USP9X: variants seen among roughly 807,000 people sequenced by gnomAD.
USP9X encodes the protein ubiquitin carboxyl-terminal hydrolase 9X.
In USP9X, 7 loss-of-function variants were observed where a neutral mutation model predicts 190.3. The observed-to-expected ratio is 0.04, with a 90% CI of 0.02 to 0.07. The LOEUF is 0.07. Among genes scored for constraint, USP9X ranks in the 10% least tolerant of loss-of-function variants. The pLI, the probability that USP9X is intolerant of heterozygous loss-of-function variation, is 1.00. For synonymous variants in USP9X, 645 were observed against 659.5 expected (o/e 0.98, Z 0.34); for missense variants, 1,010 against 1,916.9 (o/e 0.53, Z 8.83).
At position 41,223,429 on chromosome X, in the gene USP9X, A is replaced by G. The variant is rs770674723; in HGVS notation, c.6751+27A>G. On this transcript the variant is annotated intron_variant, in intron 39 of 44. Transcript: ENST00000378308. ...TAAATTTGAATGCTCCATTCTTTACACTAGTTTTGTTTGTTTGTTTGTTTT... is the reference window on the plus strand; with the variant it reads ...TAAATTTGAATGCTCCATTCTTTACGCTAGTTTTGTTTGTTTGTTTGTTTT... 11 of 1,194,182 alleles carry G rather than the reference A, an allele frequency of 9.2e-6. No individual in the cohort carries two copies. The South Asian group carries it at 1.6e-4, about 17-fold the overall frequency.
chrX:41,214,433 CCTG>C (rs748110008), intron 33 of USP9X, 132 bp from the exon 34 acceptor site: 1 of 579,266 alleles, frequency 1.7e-6, no homozygotes, highest in South Asian at 4.5e-5. Flanking sequence ...ATGTAACAAA[CCTG>C]CACGTTGTGG....
chrX:41,140,910 A>G, intron 7 of USP9X, 56 bp from the exon 8 acceptor site: 1 of 1,122,527 alleles, frequency 8.9e-7, no homozygotes, highest in Non-Finnish European at 1.2e-6. Context: ...ATTTAGTCCT[A>G]AATTGATTTT....
At chrX:41,215,723 A>AT (rs1396932662) in intron 34 of USP9X, among the ~76,000 whole-genome samples, 176 bp from the exon 35 acceptor site, 1 of 112,159 alleles carries the variant, frequency 8.9e-6, no homozygotes. Flanking sequence ...CATATTATTA[A>AT]TTTCAGCATT....
chrX:41,216,507 GATT>G lies in USP9X; in HGVS notation c.5946_5948del (p.Ile1982del). On this transcript the variant is annotated inframe_deletion, in exon 35 of 45. Coordinates refer to ENST00000378308, the MANE Select transcript of USP9X (RefSeq NM_001039591.3). Reference sequence around the variant, plus strand: ...TTGCTATCACCACCAGACCTCATCAGATTATTATGCCATCAGCCATTGAGAGAA... The same window carrying G: ...TTGCTATCACCACCAGACCTCATCAGATTATGCCATCAGCCATTGAGAGAA... 1 of 1,211,590 alleles carries G rather than the reference GATT, an allele frequency of 8.3e-7. No homozygotes were observed. The highest frequency in any genetic ancestry group is 1.1e-6 in the Non-Finnish European group (1 of 895,538).
intron 1 of USP9X, among the ~76,000 whole-genome samples, chrX:41,111,179 G>T (rs1021769117): frequency 8.9e-6 from 1 of 111,753 alleles, no homozygotes; most frequent in East Asian, 2.8e-4. Context: ...ATTGGGTCAC[G>T]AGAGTGGAAC....
At chrX:41,130,282 T>C (rs2062297430) in intron 3 of USP9X, among the ~76,000 whole-genome samples, 1 of 110,541 alleles carries the variant, frequency 9.0e-6, no homozygotes, top group South Asian at 3.8e-4. Flanking sequence ...TAATAAATTA[T>C]ATTTAATAGT....
intron 14 of USP9X, among the ~76,000 whole-genome samples, chrX:41,154,968 G>C (rs2062564117): frequency 9.0e-6 from 1 of 111,711 alleles, no homozygotes; most frequent in Admixed American, 9.5e-5. Flanking sequence ...AATCACTTCT[G>C]TGGTAACATC....
intron 14 of USP9X, among the ~76,000 whole-genome samples, chrX:41,156,059 C>T (rs1217828148): frequency 1.8e-5 from 2 of 112,209 alleles, no homozygotes; most frequent in Admixed American, 9.4e-5. Context: ...ATTTTCACGT[C>T]TGGAATGGCA....
intron 26 of USP9X, 64 bp downstream of exon 26, chrX:41,189,539 G>A: frequency 1.0e-6 from 1 of 981,538 alleles, no homozygotes; most frequent in South Asian, 2.6e-5. Flanking sequence ...AATTTAGGCT[G>A]GCAAAATGTG....
At chrX:41,205,609 T>C (rs2063084391) in intron 32 of USP9X, 116 bp downstream of exon 32, 1 of 710,541 alleles carries the variant, frequency 1.4e-6, no homozygotes, top group East Asian at 3.7e-5. Context: ...ACTGGTAATA[T>C]TCAAACTGTC....
intron 29 of USP9X, among the ~76,000 whole-genome samples, chrX:41,197,918 A>G (rs1361549858): frequency 9.0e-6 from 1 of 111,258 alleles, no homozygotes; most frequent in Non-Finnish European, 1.9e-5. Flanking sequence ...AGAGGCTGAG[A>G]TGGAAGGATC....
rs1555915008 is a variant in USP9X, at chrX:41,099,108, T to TG, written c.-159+12999_-159+13000insG. On this transcript the variant is annotated intron_variant, in intron 1 of 44. Coordinates refer to ENST00000378308, the MANE Select transcript of USP9X (RefSeq NM_001039591.3). Reference sequence around the variant, plus strand: ...TGCCCAGATAATTGTTTTTTTTTTTTTTTTTTTTTTTTTTAAACAGAGATG... The same window carrying TG: ...TGCCCAGATAATTGTTTTTTTTTTTTGTTTTTTTTTTTTTTAAACAGAGATG... Among the ~76,000 whole-genome samples the TG allele has an allele frequency of 3.3e-5, 3 of 89,599 alleles. No individual in the cohort carries two copies. In the South Asian group the frequency reaches 1.7e-3, roughly 50 times the overall value. 77.8% of individuals were successfully genotyped at this position (89,599 alleles called of 115,157 possible).
chrX:41,229,200 A>AT, intron 41 of USP9X, 53 bp from the exon 42 acceptor site: 1 of 1,006,154 alleles, frequency 9.9e-7, no homozygotes, highest in Non-Finnish European at 1.3e-6. Context: ...CACTCAGTAT[A>AT]TATTAGCTAT....
intron 21 of USP9X, among the ~76,000 whole-genome samples, chrX:41,176,171 G>C (rs979057177): frequency 1.8e-5 from 2 of 111,437 alleles, no homozygotes; most frequent in African/African-American, 6.5e-5. Context: ...AAGGACTCTT[G>C]TCTCTGAATG....
chrX:41,184,309 T>G, intron 22 of USP9X, 88 bp from the exon 23 acceptor site: 1 of 1,060,768 alleles, frequency 9.4e-7, no homozygotes, highest in Admixed American at 3.1e-5. Context: ...GTCAAGAGTT[T>G]CTTGGCACTG....
At chrX:41,196,495 A>G in intron 27 of USP9X, 97 bp from the exon 28 acceptor site, 3 of 1,091,871 alleles carry the variant, frequency 2.7e-6, no homozygotes, top group African/African-American at 1.8e-5. Flanking sequence ...TATTTCCCGC[A>G]CTGTGGTAGT....
At chrX:41,231,746 A>G (rs1443123463) in intron 44 of USP9X, among the ~76,000 whole-genome samples, 1 of 110,009 alleles carries the variant, frequency 9.1e-6, no homozygotes, top group Non-Finnish European at 1.9e-5. Flanking sequence ...AAAAAAAAAA[A>G]AAAGTTAAGC....
chrX:41,128,280 T>C (rs560168398), intron 2 of USP9X, among the ~76,000 whole-genome samples: 33 of 112,102 alleles, frequency 2.9e-4, no homozygotes, highest in African/African-American at 9.7e-4. Context: ...TGTCATGGCT[T>C]ATATAATGGG....
chrX:41,214,821 G>A lies in USP9X; in HGVS notation c.5331+112G>A. ...CCCTATTTTTATTTTCTCCTACTTT[G>A]GTATAGTGGTAGCAGAGAAGTAGTC... is the stretch of plus-strand genomic sequence containing the variant. On this transcript the variant is annotated intron_variant, in intron 34 of 44. Transcript: ENST00000378308. 5 of 800,204 alleles carry A rather than the reference G, an allele frequency of 6.2e-6. No homozygotes were observed. In the East Asian group the frequency reaches 1.1e-4, roughly 18 times the overall value. 65.9% of individuals were successfully genotyped at this position (800,204 alleles called of 1,213,427 possible).
Sources: gnomAD v4.1 joint callset for allele counts (sites outside exome capture counted in the v4.1 genomes callset) on GRCh38, gnomAD v4.1.1 for gene constraint, MANE v1.5 for transcripts, NCBI Gene and HGNC (gene_info 2026-07-23, HGNC 2026-07-21) for gene names.